Variants in NHSL2 observed in about 807,000 individuals in gnomAD.
NHSL2 encodes NHS-like protein 2.
Under a neutral mutation model 53.4 loss-of-function variants are expected in NHSL2, and 27 were observed. That is an observed-to-expected ratio of 0.51 (90% confidence interval 0.37 to 0.70). NHSL2 has a LOEUF of 0.70. Among genes scored for constraint, NHSL2 ranks in the 30% least tolerant of loss-of-function variants. NHSL2 has a pLI of 0.00. For missense variants in NHSL2, 892 were observed against 980.1 expected, an observed-to-expected ratio of 0.91 and a Z score of 1.20; for synonymous variants, 408 against 404.1, an observed-to-expected ratio of 1.01 and a Z score of -0.12.
chrX:72,115,545 C>T (rs1005955893), intron 1 of NHSL2, among the ~76,000 whole-genome samples: 5 of 110,596 alleles, frequency 4.5e-5, no homozygotes, highest in African/African-American at 1.6e-4. Flanking sequence ...CAAGTGACAG[C>T]ACAGGCATTA....
At chrX:71,941,720 G>C (rs775948812) in intron 1 of NHSL2, among the ~76,000 whole-genome samples, 2 of 112,196 alleles carry the variant, frequency 1.8e-5, no homozygotes, top group East Asian at 5.6e-4. Context: ...CAGGCACTGG[G>C]GGCCTAATAG....
chrX:71,966,912 T>A (rs1230958723), intron 1 of NHSL2, among the ~76,000 whole-genome samples: 1 of 112,010 alleles, frequency 8.9e-6, no homozygotes. Context: ...AGTGAACCCA[T>A]CTGAACTTGG....
chrX:72,011,389 C>T (rs769738881), intron 1 of NHSL2, among the ~76,000 whole-genome samples: 55 of 112,538 alleles, frequency 4.9e-4, no homozygotes, highest in Admixed American at 2.3e-3. Context: ...AAAAAACTGA[C>T]GGCCAGGTGC....
intron 1 of NHSL2, among the ~76,000 whole-genome samples, chrX:72,113,469 C>T (rs1331655273): frequency 8.9e-6 from 1 of 111,874 alleles, no homozygotes; most frequent in African/African-American, 3.3e-5. Flanking sequence ...GCAAACGAGA[C>T]ATAGGGTTTT....
rs181940332 is a variant in NHSL2, at chrX:72,152,591, A to T, written c.*9017A>T. ...ACTCAGCCACTCAGACCTAGGTCTC[A>T]GGCTGCAGCTTATCCTAGCTCAGCA... is the stretch of plus-strand genomic sequence containing the variant. On this transcript the variant is annotated 3_prime_UTR_variant, in exon 8 of 8. Transcript: ENST00000633930. 4 of 113,011 alleles carry T rather than the reference A, an allele frequency of 3.5e-5. No homozygotes were observed. The East Asian group carries it at 1.1e-3, about 31-fold the overall frequency. 9.3% of individuals were successfully genotyped at this position (113,011 alleles called of 1,213,427 possible).
intron 1 of NHSL2, among the ~76,000 whole-genome samples, chrX:72,018,552 G>A (rs1422900476): frequency 8.8e-6 from 1 of 113,011 alleles, no homozygotes; most frequent in Non-Finnish European, 1.9e-5. Flanking sequence ...CGGCCCCCGG[G>A]CTGCTTTTCG....
At chrX:72,081,999 T>C (rs1453396262) in intron 1 of NHSL2, among the ~76,000 whole-genome samples, 1 of 112,158 alleles carries the variant, frequency 8.9e-6, no homozygotes, top group Non-Finnish European at 1.9e-5. Context: ...CACAAGTTGC[T>C]TGGCCAGGCA....
chrX:72,029,908 C>G (rs1175384181), intron 1 of NHSL2, among the ~76,000 whole-genome samples: 1 of 111,957 alleles, frequency 8.9e-6, no homozygotes, highest in Non-Finnish European at 1.9e-5. Flanking sequence ...TTGTTTTCCT[C>G]TCCATTTTCT....
chrX:72,113,059 A>G (rs2042106281), intron 1 of NHSL2, among the ~76,000 whole-genome samples: 1 of 112,109 alleles, frequency 8.9e-6, no homozygotes, highest in South Asian at 3.7e-4. Flanking sequence ...TCCTTAACAG[A>G]TACATGATTG....
chrX:72,050,526 A>G (rs938467845), intron 1 of NHSL2, among the ~76,000 whole-genome samples: 3 of 112,055 alleles, frequency 2.7e-5, no homozygotes, highest in Non-Finnish European at 5.6e-5. Flanking sequence ...TATGATAAAC[A>G]TGCATATGAA....
chrX:71,965,838 T>C (rs1410537644), intron 1 of NHSL2: 2 of 112,542 alleles, frequency 1.8e-5, no homozygotes, highest in African/African-American at 6.4e-5. Context: ...ATTAGATTTA[T>C]ACCAAAATAT....
At chrX:71,979,445 TC>T (rs1188507926) in intron 1 of NHSL2, among the ~76,000 whole-genome samples, 9 of 111,802 alleles carry the variant, frequency 8.0e-5, no homozygotes, top group Non-Finnish European at 1.7e-4. Context: ...TTTTTAATGA[TC>T]GCCATTCTAA....
In NHSL2 at chrX:72,145,620, T is replaced by A. The variant is rs1047229726; in HGVS notation, c.*2046T>A. On this transcript the variant is annotated 3_prime_UTR_variant, in exon 8 of 8. Transcript: ENST00000633930. Reference sequence around the variant, plus strand: ...GACTTAGAATTCCAAAAAACAGACATTTTCCTCTGTAGTAAATGAAGGAGC... The same window carrying A: ...GACTTAGAATTCCAAAAAACAGACAATTTCCTCTGTAGTAAATGAAGGAGC... 1 of 112,501 alleles carries A rather than the reference T, an allele frequency of 8.9e-6. No individual in the cohort carries two copies. Among genetic ancestry groups the A allele is most frequent in the Admixed American group, 9.4e-5 (1 of 10,630 alleles). 9.3% of individuals were successfully genotyped at this position (112,501 alleles called of 1,213,427 possible).
At chrX:72,114,363 C>T (rs1246715192) in intron 1 of NHSL2, among the ~76,000 whole-genome samples, 1 of 111,858 alleles carries the variant, frequency 8.9e-6, no homozygotes, top group East Asian at 2.8e-4. Context: ...TGGAGCAGGC[C>T]TCTGAGCCAT....
chrX:72,057,615 A>G (rs1372158702), intron 1 of NHSL2, among the ~76,000 whole-genome samples: 1 of 111,900 alleles, frequency 8.9e-6, no homozygotes, highest in African/African-American at 3.3e-5. Flanking sequence ...ACTTGCTCCT[A>G]GGGACCTGGG....
chrX:72,032,955 C>T (rs1283914669), intron 1 of NHSL2, among the ~76,000 whole-genome samples: 1 of 112,339 alleles, frequency 8.9e-6, no homozygotes, highest in African/African-American at 3.2e-5. Context: ...TTATCTATCT[C>T]TCCACCAATA....
At chrX:72,110,338 C>T (rs768752087) in intron 1 of NHSL2, among the ~76,000 whole-genome samples, 35 of 111,141 alleles carry the variant, frequency 3.1e-4, no homozygotes, top group Non-Finnish European at 6.6e-4. Context: ...CTGAGAATGA[C>T]CTCCTCATCA....
At chrX:72,057,397 T>C (rs767154690) in intron 1 of NHSL2, among the ~76,000 whole-genome samples, 1 of 112,521 alleles carries the variant, frequency 8.9e-6, no homozygotes, top group Admixed American at 9.4e-5. Flanking sequence ...ATAAATAGTA[T>C]TGATCCATAG....
intron 1 of NHSL2, among the ~76,000 whole-genome samples, chrX:71,936,815 TG>T (rs1339420207): frequency 9.0e-6 from 1 of 110,882 alleles, no homozygotes; most frequent in Non-Finnish European, 1.9e-5. Flanking sequence ...GGTTACAGTT[TG>T]GGTCAGTGGT....
Sources: allele counts gnomAD v4.1 joint callset (sites outside exome capture counted in the v4.1 genomes callset), GRCh38; gene constraint gnomAD v4.1.1; transcripts MANE v1.5; gene names NCBI Gene and HGNC (gene_info 2026-07-23, HGNC 2026-07-21).